Variants in GPLD1 observed in about 807,000 individuals in gnomAD.
GPLD1 encodes the protein glycosylphosphatidylinositol specific phospholipase D1.
Under a neutral mutation model 112.6 loss-of-function variants are expected in GPLD1, and 84 were observed. The ratio of observed to expected loss-of-function variants is 0.75; its 90% CI spans 0.63 to 0.89. GPLD1 has a LOEUF of 0.89. Among genes scored for constraint, GPLD1 ranks in the 40% least tolerant of loss-of-function variants. The pLI is 0.00. For missense variants in GPLD1, 1,044 were observed against 1,051.5 expected (o/e 0.99, Z 0.10); for synonymous variants, 386 against 403.8 (o/e 0.96, Z 0.53).
chr6:24,437,160 C>T lies in GPLD1; in HGVS notation c.2150G>A (p.Arg717Gln). 10 of 1,614,214 alleles carry T rather than the reference C, an allele frequency of 6.2e-6. No homozygotes were observed. Among genetic ancestry groups the T allele is most frequent in the Non-Finnish European group, 8.5e-6 (10 of 1,180,022 alleles). Reference protein sequence around the residue: ...STFSGDRRFSRFGGVLHLSDL... With the variant: ...STFSGDRRFSQFGGVLHLSDL... ...ACTCAAGTGCAGAACGCCACCAAAT[C>T]GGGAGAAGCGGCGGTCTCCGCTGAA... Residue 717 changes from arginine to glutamine, a missense_variant, in exon 21 of 25, where the codon CGA becomes CAA. Arg to Gln is a conservative substitution (Grantham distance 43). Coordinates refer to ENST00000230036, the MANE Select transcript of GPLD1 (RefSeq NM_001503.4).
At chr6:24,485,562 G>A (rs2127371547) in intron 2 of GPLD1, among the ~76,000 whole-genome samples, 1 of 151,982 alleles carries the variant, frequency 6.6e-6, no homozygotes, top group African/African-American at 2.4e-5. Flanking sequence ...CCTATAAAAT[G>A]TTCAAGTAGC....
rs374161127 is a variant in GPLD1 at position 24,486,026 on chromosome 6, T to G, written c.153+49A>C. ...TGTTAGGATCTTTGTTTGGCACCTA[T>G]AAAAGAAAACTAATGCACAAAGAAG... On this transcript the variant is annotated intron_variant, in intron 2 of 24. Coordinates refer to ENST00000230036, the MANE Select transcript of GPLD1 (RefSeq NM_001503.4). 1,114 of 1,103,160 alleles carry G rather than the reference T, an allele frequency of 1.0e-3. 12 individuals carry two copies. In the South Asian group the frequency reaches 0.014, roughly 14 times the overall value. 68.3% of individuals were successfully genotyped at this position (1,103,160 alleles called of 1,614,324 possible).
Position 24,447,932 on chromosome 6 carries a change from C to A in GPLD1, c.1623G>T (p.Gly541=). 1 of 1,614,054 alleles carries A rather than the reference C, an allele frequency of 6.2e-7. No homozygotes were observed. Among genetic ancestry groups the A allele is most frequent in the Non-Finnish European group, 8.5e-7 (1 of 1,180,026 alleles). ...VIGSPFAPGG[G]KQKGIVAAFY... ...ACGCAGCCACAATTCCCTTCTGCTT[C>A]CCTCCACCTGGTGCAAAAGGGGAGC... Residue 541 remains glycine (G), a synonymous_variant, in exon 17 of 25, where the codon GGG becomes GGT. Coordinates refer to ENST00000230036, the MANE Select transcript of GPLD1 (RefSeq NM_001503.4).
At chr6:24,474,540 C>G (rs1763944004) in intron 5 of GPLD1, among the ~76,000 whole-genome samples, 1 of 152,142 alleles carries the variant, frequency 6.6e-6, no homozygotes, top group Non-Finnish European at 1.5e-5. Flanking sequence ...TAAGATTTAT[C>G]AATTATTTTT....
intron 18 of GPLD1, 49 bp downstream of exon 18, chr6:24,446,789 G>A (rs1762923105): frequency 6.3e-7 from 1 of 1,588,448 alleles, no homozygotes; most frequent in South Asian, 1.1e-5. Flanking sequence ...CATAGCAGCA[G>A]GTACCTGCCC....
chr6:24,443,736 T>G (rs1762824792), intron 20 of GPLD1, among the ~76,000 whole-genome samples: 1 of 152,210 alleles, frequency 6.6e-6, no homozygotes, highest in African/African-American at 2.4e-5. Flanking sequence ...AGTGGTGTCA[T>G]CTTGGCTCAG....
At chr6:24,455,163 C>T (rs866759143) in intron 13 of GPLD1, among the ~76,000 whole-genome samples, 4 of 152,360 alleles carry the variant, frequency 2.6e-5, no homozygotes, top group Middle Eastern at 6.8e-3. Flanking sequence ...ACAGACACTC[C>T]AGTGGACCCA....
At chr6:24,458,270 G>T (rs912853299) in intron 12 of GPLD1, among the ~76,000 whole-genome samples, 1 of 152,102 alleles carries the variant, frequency 6.6e-6, no homozygotes, top group Admixed American at 6.6e-5. Context: ...TTTCAGGCAC[G>T]AGTATGCCTT....
chr6:24,477,870 T>TACA (rs1764073995), intron 3 of GPLD1, among the ~76,000 whole-genome samples: 1 of 152,160 alleles, frequency 6.6e-6, no homozygotes, highest in East Asian at 1.9e-4. Flanking sequence ...TTGAATTAGG[T>TACA]ATGTATGAGA....
At chr6:24,469,842 G>A (rs1763739135) in intron 7 of GPLD1, among the ~76,000 whole-genome samples, 1 of 151,894 alleles carries the variant, frequency 6.6e-6, no homozygotes, top group South Asian at 2.1e-4. Context: ...AACTTTAGTA[G>A]GTTTCTTTTA....
In GPLD1 at chr6:24,453,706, G is replaced by GTGTGTGTA. The variant is rs1554131057; in HGVS notation, c.1335+308_1335+309insTACACACA. ...TTATAAATACATACATTTCGTGTGT[G>GTGTGTGTA]TGTGTGTGTGTGTGTGTATAAAGAG... On this transcript the variant is annotated intron_variant, in intron 14 of 24. Transcript: ENST00000230036. 1.5e-4 allele frequency among the ~76,000 whole-genome samples: 12 copies of GTGTGTGTA among 82,358 alleles called. 1 individual carries two copies. The South Asian group carries it at 4.4e-3, about 30-fold the overall frequency. The allele number at this position is 82,358 out of a possible 152,430, so 54.0% of individuals were successfully genotyped here. A position where few individuals can be genotyped will look rare whatever the true frequency, so the allele number is the denominator to read the frequency against.
chr6:24,433,836 C>A (rs1762486054), intron 22 of GPLD1, among the ~76,000 whole-genome samples: 2 of 151,932 alleles, frequency 1.3e-5, no homozygotes, highest in African/African-American at 4.8e-5. Flanking sequence ...ATGTGCATGC[C>A]CTTTGACCCC....
intron 14 of GPLD1, among the ~76,000 whole-genome samples, chr6:24,453,699 CGTGTGTGTGT>C (rs59607870): frequency 1.2e-4 from 18 of 150,388 alleles, no homozygotes; most frequent in African/African-American, 1.7e-4. Context: ...ACATACATTT[CGTGTGTGTGT>C]GTGTGTGTGT....
At position 24,454,045 on chromosome 6, in the gene GPLD1, C is replaced by T. The variant is rs1442453187; in HGVS notation, c.1305G>A (p.Lys435=). The change falls in exon 14 of 25, where the codon AAG becomes AAA. Residue 435 remains lysine (K), a synonymous_variant. Coordinates refer to ENST00000230036, the MANE Select transcript of GPLD1 (RefSeq NM_001503.4). ...GLPPVDLDLD[K]EAHRILEGFQ... ...AGCCTTCAAGGATCCTGTGGGCCTC[C>T]TTGTCCAGGTCCAGGTCAACAGGTG... The T allele has an allele frequency of 6.2e-7, 1 of 1,613,250 alleles. No individual in the cohort carries two copies. Among genetic ancestry groups the T allele is most frequent in the Admixed American group, 1.7e-5 (1 of 59,946 alleles).
intron 20 of GPLD1, among the ~76,000 whole-genome samples, chr6:24,438,891 A>G (rs778522769): frequency 6.6e-6 from 1 of 151,898 alleles, no homozygotes; most frequent in Non-Finnish European, 1.5e-5. Flanking sequence ...GGTTCAAGCG[A>G]TTCTCCTGCC....
Position 24,475,205 on chromosome 6 carries a change from C to G in GPLD1, c.357G>C (p.Leu119Phe), listed in dbSNP as rs977960516. 6.2e-7 allele frequency: 1 copy of G among 1,609,966 alleles called. No individual in the cohort carries two copies. The highest frequency in any genetic ancestry group is 8.5e-7 in the Non-Finnish European group (1 of 1,176,356). ...CCGCCATGTGAGAAGTAATTCCAAA[C>G]AAGAAAGCTACCAGTTTCTCTGTGT... The part of the protein sequence containing the change: ...EKDTEKLVAF[L>F]FGITSHMAAD... Residue 119 changes from leucine (L) to phenylalanine (F), a missense_variant, in exon 5 of 25, where the codon TTG becomes TTC. Leu to Phe is a conservative substitution (Grantham distance 22). Coordinates refer to ENST00000230036, the MANE Select transcript of GPLD1 (RefSeq NM_001503.4).
Position 24,475,201 on chromosome 6 carries a change from C to T in GPLD1, c.361G>A (p.Gly121Arg). The T allele has an allele frequency of 6.2e-7, 1 of 1,610,926 alleles. No homozygotes were observed. Among genetic ancestry groups the T allele is most frequent in the Non-Finnish European group, 8.5e-7 (1 of 1,177,132 alleles). The change falls in exon 5 of 25, where the codon GGA (glycine) becomes AGA (arginine). Residue 121 changes from glycine (G) to arginine (R), a missense_variant. Physicochemically the swap from Gly to Arg is moderately radical, Grantham distance 125 (BLOSUM62 -2). Coordinates refer to ENST00000230036, the MANE Select transcript of GPLD1 (RefSeq NM_001503.4). ...TCTGCCGCCATGTGAGAAGTAATTC[C>T]AAACAAGAAAGCTACCAGTTTCTCT... is the stretch of plus-strand genomic sequence containing the variant. ...DTEKLVAFLFGITSHMAADVS... is the reference protein window; with the variant it reads ...DTEKLVAFLFRITSHMAADVS...
In GPLD1 at chr6:24,434,274, T is replaced by C. The variant is rs898728719; in HGVS notation, c.2359-885A>G. On this transcript the variant is annotated intron_variant, in intron 22 of 24. Coordinates refer to ENST00000230036, the MANE Select transcript of GPLD1 (RefSeq NM_001503.4). ...TTAGCCAGGCACGGTGGTGTGCGCC[T>C]GTAGTCCCAGCTACTCAGGAAGCTG... Among the ~76,000 whole-genome samples, 21 of 151,896 alleles carry C rather than the reference T, an allele frequency of 1.4e-4. 1 individual carries two copies. Among genetic ancestry groups the C allele is most frequent in the Admixed American group, 8.5e-4 (13 of 15,248 alleles).
intron 2 of GPLD1, among the ~76,000 whole-genome samples, chr6:24,484,110 T>C (rs1204621424): frequency 6.6e-6 from 1 of 151,298 alleles, no homozygotes; most frequent in Non-Finnish European, 1.5e-5. Context: ...AGAGACGGGG[T>C]TTCACCGTGT....
Sources: allele counts gnomAD v4.1 joint callset (sites outside exome capture counted in the v4.1 genomes callset), GRCh38; gene constraint gnomAD v4.1.1; transcripts MANE v1.5; gene names NCBI Gene and HGNC (gene_info 2026-07-23, HGNC 2026-07-21).